Variants in ERBIN observed in about 807,000 individuals in gnomAD.
The protein encoded by ERBIN is densin-180-like protein.
ERBIN carries 60 observed loss-of-function variants against 158.4 expected under a neutral mutation model. The observed-to-expected ratio is 0.38, with a 90% CI of 0.31 to 0.47. The LOEUF (loss-of-function observed/expected upper bound fraction) is 0.47, where lower values mean the gene tolerates loss of function less well. Among genes scored for constraint, ERBIN ranks in the 20% least tolerant of loss-of-function variants. ERBIN has a pLI of 0.99. For synonymous variants in ERBIN, 594 were observed against 557.2 expected (o/e 1.07, Z -0.93); for missense variants, 1,610 against 1,648.0 (o/e 0.98, Z 0.40).
chr5:66,037,988 C>T (rs1177021849), intron 14 of ERBIN, among the ~76,000 whole-genome samples: 1 of 151,930 alleles, frequency 6.6e-6, no homozygotes, highest in Non-Finnish European at 1.5e-5. Context: ...ACATTTTTTC[C>T]AAAAGCATCT....
At chr5:66,026,792 G>A (rs1756304428) in intron 13 of ERBIN, among the ~76,000 whole-genome samples, 1 of 151,898 alleles carries the variant, frequency 6.6e-6, no homozygotes, top group Admixed American at 6.6e-5. Context: ...TACGGTGGTT[G>A]TTACTGTTCA....
intron 21 of ERBIN, among the ~76,000 whole-genome samples, chr5:66,061,788 C>A (rs1448734037): frequency 6.6e-6 from 1 of 152,134 alleles, no homozygotes; most frequent in African/African-American, 2.4e-5. Flanking sequence ...TATTTTATTT[C>A]TCCTTCACTT....
chr5:65,977,331 C>A (rs1420005229), intron 1 of ERBIN, among the ~76,000 whole-genome samples: 1 of 151,036 alleles, frequency 6.6e-6, no homozygotes, highest in Non-Finnish European at 1.5e-5. Context: ...GAGGTGGCTG[C>A]CGGGCGGAGA....
In ERBIN at chr5:65,930,930, C is replaced by T. The variant is rs187569761; in HGVS notation, c.-58+4124C>T. 3.3e-5 allele frequency among the ~76,000 whole-genome samples: 5 copies of T among 152,314 alleles called. No individual in the cohort carries two copies. In the East Asian group the frequency reaches 9.6e-4, roughly 29 times the overall value. Reference sequence around the variant, plus strand: ...TAGTACTCTATCACTCTATTTTTGTCACTTCAAATTTTGTTCCAGACACCA... The same window carrying T: ...TAGTACTCTATCACTCTATTTTTGTTACTTCAAATTTTGTTCCAGACACCA... On this transcript the variant is annotated intron_variant, in intron 1 of 25. Transcript: ENST00000284037.
intron 7 of ERBIN, among the ~76,000 whole-genome samples, chr5:66,015,916 AGCTTC>A (rs1392433454): frequency 6.6e-6 from 1 of 152,206 alleles, no homozygotes; most frequent in East Asian, 1.9e-4. Context: ...CTGTTTACTC[AGCTTC>A]TATGACACAT....
intron 1 of ERBIN, among the ~76,000 whole-genome samples, chr5:65,937,325 A>C (rs1358115756): frequency 6.6e-6 from 1 of 152,204 alleles, no homozygotes; most frequent in Non-Finnish European, 1.5e-5. Context: ...TGGCTTAAGG[A>C]GTGAAAAAAT....
chr5:66,027,024 A>G (rs987846662), intron 13 of ERBIN, among the ~76,000 whole-genome samples: 14 of 152,050 alleles, frequency 9.2e-5, no homozygotes, highest in Admixed American at 3.9e-4. Flanking sequence ...TTTAAGTTAA[A>G]AACAGAATGT....
In ERBIN at chr5:66,054,263, G is replaced by A. The variant is rs1349284089; in HGVS notation, c.2945G>A (p.Ser982Asn). ...YGPPQYNIQYSSSAAVKDTLW... is the reference protein window; with the variant it reads ...YGPPQYNIQYNSSAAVKDTLW... ...CCTCCACAGTATAATATCCAATACA[G>A]TAGCAGTGCTGCAGTCAAAGACACT... Residue 982 changes from serine to asparagine, a missense_variant, in exon 21 of 26, where the codon AGT becomes AAT. Around this residue, in one of 2 missense-constraint regions of ERBIN, gnomAD observed 1,014 missense variants for 936.1 expected, o/e 1.08. Transcript: ENST00000284037. 4 of 1,614,014 alleles carry A rather than the reference G, an allele frequency of 2.5e-6. No individual in the cohort carries two copies. The highest frequency in any genetic ancestry group is 3.4e-6 in the Non-Finnish European group (4 of 1,180,026).
intron 21 of ERBIN, among the ~76,000 whole-genome samples, chr5:66,058,429 A>G (rs1366989218): frequency 6.6e-6 from 1 of 151,806 alleles, no homozygotes; most frequent in Non-Finnish European, 1.5e-5. Context: ...TAGATTCTGG[A>G]TATTAGCCCT....
At chr5:66,074,852 C>T (rs1013079536) in intron 22 of ERBIN, among the ~76,000 whole-genome samples, 172 bp from the exon 23 acceptor site, 1 of 152,136 alleles carries the variant, frequency 6.6e-6, no homozygotes, top group Non-Finnish European at 1.5e-5. Flanking sequence ...ACATTAATAG[C>T]TTATTTCTTT....
chr5:65,970,441 A>AC (rs1486785039), intron 1 of ERBIN, among the ~76,000 whole-genome samples: 2 of 151,940 alleles, frequency 1.3e-5, no homozygotes, highest in African/African-American at 4.9e-5. Flanking sequence ...AGCCTATCCT[A>AC]CCGAAGTTTG....
intron 1 of ERBIN, among the ~76,000 whole-genome samples, chr5:65,929,034 C>G (rs1412393353): frequency 6.6e-6 from 1 of 152,150 alleles, no homozygotes; most frequent in Non-Finnish European, 1.5e-5. Context: ...ATTTTCAGGA[C>G]TTCAACTGAT....
At chr5:66,045,661 CAAAT>C (rs1580451668) in intron 17 of ERBIN, among the ~76,000 whole-genome samples, 1 of 152,246 alleles carries the variant, frequency 6.6e-6, no homozygotes, top group Admixed American at 6.5e-5. Flanking sequence ...AACTGGGAAA[CAAAT>C]AATCAGTGAA....
chr5:66,018,559 A>T (rs865840656), intron 7 of ERBIN, among the ~76,000 whole-genome samples: 126 of 11,302 alleles, frequency 0.011, 42 homozygotes, highest in African/African-American at 0.03. Context: ...TATATTATAT[A>T]ATATATATTA....
chr5:65,982,336 A>G (rs999486174), intron 1 of ERBIN, among the ~76,000 whole-genome samples: 1 of 151,980 alleles, frequency 6.6e-6, no homozygotes, highest in Non-Finnish European at 1.5e-5. Flanking sequence ...GGGAAGGTGG[A>G]CTCTCTGAAT....
At chr5:65,935,742 T>A (rs1335020582) in intron 1 of ERBIN, among the ~76,000 whole-genome samples, 1 of 152,204 alleles carries the variant, frequency 6.6e-6, no homozygotes, top group African/African-American at 2.4e-5. Flanking sequence ...TATTCTTTTT[T>A]GGAGAAGGGT....
chr5:65,941,103 A>G (rs948572306), intron 1 of ERBIN, among the ~76,000 whole-genome samples: 8 of 152,240 alleles, frequency 5.3e-5, no homozygotes, highest in Admixed American at 5.2e-4. Flanking sequence ...TTTGTTAAAC[A>G]GATGCTTGAA....
intron 25 of ERBIN, among the ~76,000 whole-genome samples, chr5:66,077,391 A>G (rs16894853): frequency 0.058 from 8,756 of 151,984 alleles, 880 homozygotes; most frequent in African/African-American, 0.2. Context: ...AGGAAGACAA[A>G]CCTAGGACAC....
At chr5:65,942,176 A>G (rs1025581316) in intron 1 of ERBIN, among the ~76,000 whole-genome samples, 3 of 152,020 alleles carry the variant, frequency 2.0e-5, no homozygotes, top group Admixed American at 1.3e-4. Flanking sequence ...TTTTCTTTTT[A>G]ATTAGTACAA....
Sources: gnomAD v4.1 joint callset for allele counts (sites outside exome capture counted in the v4.1 genomes callset) on GRCh38, gnomAD v4.1.1 for gene constraint, gnomAD v4.1.1 regional missense constraint, MANE v1.5 for transcripts, NCBI Gene and HGNC (gene_info 2026-07-23, HGNC 2026-07-21) for gene names.